BCL2L13: variants seen among roughly 807,000 people sequenced by gnomAD.
BCL2L13 encodes the protein bcl-2-like protein 13.
In BCL2L13, 13 loss-of-function variants were observed where a neutral mutation model predicts 25.8. That is an observed-to-expected ratio of 0.50 (90% confidence interval 0.33 to 0.80). The LOEUF is 0.80. Among genes scored for constraint, BCL2L13 ranks in the 30% least tolerant of loss-of-function variants. The probability of loss-of-function intolerance (pLI) is 0.02; values close to 1 mark genes in which losing one functional copy is unlikely to be tolerated. For missense variants in BCL2L13, 504 were observed against 574.9 expected (o/e 0.88, Z 1.26); for synonymous variants, 244 against 230.3 (o/e 1.06, Z -0.54).
chr22:17,677,827 G>A (rs1258807283), intron 2 of BCL2L13, among the ~76,000 whole-genome samples: 2 of 151,548 alleles, frequency 1.3e-5, no homozygotes, highest in African/African-American at 2.4e-5. Flanking sequence ...AGGCGAGATC[G>A]CGCCATTGCA....
chr22:17,677,479 T>C (rs535966128), intron 2 of BCL2L13, among the ~76,000 whole-genome samples: 73 of 152,274 alleles, frequency 4.8e-4, no homozygotes, highest in South Asian at 6.2e-4. Flanking sequence ...ATGCCTGTAA[T>C]CCCAGCGTGA....
chr22:17,682,341 CTG>C (rs754834836), intron 2 of BCL2L13, among the ~76,000 whole-genome samples: 82 of 152,198 alleles, frequency 5.4e-4, no homozygotes, highest in Middle Eastern at 3.4e-3. Context: ...AGTCAACTAA[CTG>C]TTGTGGGCAG....
At chr22:17,669,761 AGAAGAG>A (rs2059357362) in intron 2 of BCL2L13, among the ~76,000 whole-genome samples, 1 of 152,200 alleles carries the variant, frequency 6.6e-6, no homozygotes, top group Non-Finnish European at 1.5e-5. Context: ...TGGCTTTATT[AGAAGAG>A]GAAGAGAGAC....
intron 6 of BCL2L13, 98 bp from the exon 7 acceptor site, chr22:17,726,579 T>C (rs2061304613): frequency 7.2e-7 from 1 of 1,385,392 alleles, no homozygotes; most frequent in African/African-American, 1.4e-5. Flanking sequence ...GTTTCATTCC[T>C]AGAACTTCAG....
chr22:17,666,139 GC>G (rs1463337282), intron 2 of BCL2L13, among the ~76,000 whole-genome samples: 1 of 152,068 alleles, frequency 6.6e-6, no homozygotes, highest in South Asian at 2.1e-4. Flanking sequence ...TAGGGGATGT[GC>G]TGTAATCTCA....
intron 1 of BCL2L13, among the ~76,000 whole-genome samples, chr22:17,641,554 C>A (rs1395883623): frequency 6.6e-6 from 1 of 152,048 alleles, no homozygotes; most frequent in African/African-American, 2.4e-5. Context: ...ACTTTATTGA[C>A]ATATAATTAA....
At chr22:17,663,874 A>G in intron 2 of BCL2L13, among the ~76,000 whole-genome samples, 1 of 148,114 alleles carries the variant, frequency 6.8e-6, no homozygotes, top group Non-Finnish European at 1.5e-5. Context: ...TTTGAGATGG[A>G]GTCTCGCTCT....
At chr22:17,719,908 T>C (rs972459037) in intron 6 of BCL2L13, among the ~76,000 whole-genome samples, 1 of 150,710 alleles carries the variant, frequency 6.6e-6, no homozygotes, top group South Asian at 2.1e-4. Context: ...TTATGCTAAG[T>C]GGAAGCAGCC....
intron 1 of BCL2L13, among the ~76,000 whole-genome samples, chr22:17,632,713 T>C (rs371720561): frequency 2.0e-5 from 3 of 152,184 alleles, no homozygotes; most frequent in African/African-American, 7.2e-5. Context: ...GTGCTTTTGT[T>C]TTTTGGAAAA....
chr22:17,703,940 A>G (rs1196129491), intron 6 of BCL2L13, among the ~76,000 whole-genome samples: 4 of 151,982 alleles, frequency 2.6e-5, no homozygotes, highest in Non-Finnish European at 5.9e-5. Context: ...AATATTATGC[A>G]CTCCCTTCTC....
chr22:17,633,951 C>A (rs922592604), upstream of BCL2L13, among the ~76,000 whole-genome samples: 1 of 151,952 alleles, frequency 6.6e-6, no homozygotes, highest in African/African-American at 2.4e-5. Flanking sequence ...GCCCTCATTA[C>A]CCCTCCTCCC....
chr22:17,730,523 C>T lies in BCL2L13; in HGVS notation c.*2989C>T, dbSNP rs2061381472. 6.6e-6 allele frequency: 1 copy of T among 152,158 alleles called. No homozygotes were observed. The highest frequency in any genetic ancestry group is 6.5e-5 in the Admixed American group (1 of 15,282). The allele number at this position is 152,158 out of a possible 1,614,324, so 9.4% of individuals were successfully genotyped here. On this transcript the variant is annotated 3_prime_UTR_variant, in exon 7 of 7. Transcript: ENST00000317582. ...ATAATATGACAGTAAGGCAAGTAGT[C>T]TCCTTGCCTTTCTCCTGAAAGGTAT...
At chr22:17,645,225 ATTTTTTTT>A (rs60836823) in intron 1 of BCL2L13, among the ~76,000 whole-genome samples, 1 of 97,640 alleles carries the variant, frequency 1.0e-5, no homozygotes, top group South Asian at 3.4e-4. Context: ...TAATAGTAGG[ATTTTTTTT>A]TTTTTTTTTT....
chr22:17,660,853 T>A (rs1314815066), intron 2 of BCL2L13, among the ~76,000 whole-genome samples: 1 of 145,938 alleles, frequency 6.9e-6, no homozygotes, highest in Admixed American at 6.8e-5. Flanking sequence ...GGCACCATCT[T>A]GGCTCATTGC....
At chr22:17,669,185 A>G (rs963002541) in intron 2 of BCL2L13, among the ~76,000 whole-genome samples, 7 of 151,372 alleles carry the variant, frequency 4.6e-5, no homozygotes, top group African/African-American at 1.7e-4. Context: ...GGTGCTTGCC[A>G]CCACACCCGG....
At position 17,689,219 on chromosome 22, in the gene BCL2L13, G is replaced by T. The variant is rs571209255; in HGVS notation, c.386+77G>T. The T allele has an allele frequency of 1.0e-5, 14 of 1,380,712 alleles. No homozygotes were observed. The African/African-American group carries it at 2.0e-4, about 20-fold the overall frequency. The allele number at this position is 1,380,712 out of a possible 1,614,324, so 85.5% of individuals were successfully genotyped here. ...CTCATGCAGCACTGGATTGGTTAGG[G>T]CTGTGTTTTAGGTGAACAGTGTCAC... On this transcript the variant is annotated intron_variant, in intron 4 of 6. Coordinates refer to ENST00000317582, the MANE Select transcript of BCL2L13 (RefSeq NM_015367.4).
chr22:17,693,529 G>A (rs184052697), intron 4 of BCL2L13, among the ~76,000 whole-genome samples: 100 of 151,822 alleles, frequency 6.6e-4, no homozygotes, highest in African/African-American at 2.1e-3. Flanking sequence ...ACAGGCATGC[G>A]CCAACACGCG....
intron 2 of BCL2L13, among the ~76,000 whole-genome samples, chr22:17,659,647 C>T (rs889356443): frequency 6.9e-6 from 1 of 143,948 alleles, no homozygotes; most frequent in African/African-American, 2.5e-5. Flanking sequence ...GGCGACAGAA[C>T]GAGACTCCGT....
At chr22:17,716,944 A>G (rs1251358041) in intron 6 of BCL2L13, among the ~76,000 whole-genome samples, 1 of 152,186 alleles carries the variant, frequency 6.6e-6, no homozygotes, top group Non-Finnish European at 1.5e-5. Context: ...GCAATGTTTT[A>G]TATCAAGAAA....
Sources: gnomAD v4.1 joint callset for allele counts (sites outside exome capture counted in the v4.1 genomes callset) on GRCh38, gnomAD v4.1.1 for gene constraint, MANE v1.5 for transcripts, NCBI Gene and HGNC (gene_info 2026-07-23, HGNC 2026-07-21) for gene names.